The following SPIRE1 variants were observed in gnomAD, a reference collection of about 807,000 sequenced individuals.
The protein encoded by SPIRE1 is protein spire homolog 1.
SPIRE1 carries 40 observed loss-of-function variants against 94.1 expected under a neutral mutation model. That is an observed-to-expected ratio of 0.43 (90% confidence interval 0.33 to 0.55). SPIRE1 has a LOEUF of 0.55. Among genes scored for constraint, SPIRE1 ranks in the 20% least tolerant of loss-of-function variants. SPIRE1 has a pLI of 0.06. For synonymous variants in SPIRE1, 376 were observed against 371.7 expected, an observed-to-expected ratio of 1.01 and a Z score of -0.13; for missense variants, 838 against 975.2, an observed-to-expected ratio of 0.86 and a Z score of 1.87.
chr18:12,644,430 A>G (rs965162487), intron 1 of SPIRE1, among the ~76,000 whole-genome samples: 3 of 152,290 alleles, frequency 2.0e-5, no homozygotes, highest in Admixed American at 1.3e-4. Flanking sequence ...AAGCCCTCCT[A>G]TACTCCCCAA....
intron 10 of SPIRE1, among the ~76,000 whole-genome samples, chr18:12,471,389 T>C (rs950641812): frequency 2.0e-5 from 3 of 151,494 alleles, no homozygotes; most frequent in East Asian, 1.9e-4. Flanking sequence ...TCTTTCTTTT[T>C]TTTTTTTTTT....
At chr18:12,457,129 C>A (rs2031542698) in intron 12 of SPIRE1, among the ~76,000 whole-genome samples, 1 of 152,078 alleles carries the variant, frequency 6.6e-6, no homozygotes, top group Non-Finnish European at 1.5e-5. Context: ...CCGCGCCTGG[C>A]CATCATGAGA....
chr18:12,661,630 C>T (rs965237174), upstream of SPIRE1, among the ~76,000 whole-genome samples: 1 of 151,960 alleles, frequency 6.6e-6, no homozygotes. Context: ...AGAAAATTAG[C>T]CAGGCATGGT....
intron 4 of SPIRE1, among the ~76,000 whole-genome samples, chr18:12,519,525 C>T (rs114372362): frequency 2.6e-5 from 4 of 152,196 alleles, no homozygotes; most frequent in African/African-American, 9.6e-5. Flanking sequence ...GCTCTTCACA[C>T]CTATAGAAAT....
intron 2 of SPIRE1, among the ~76,000 whole-genome samples, chr18:12,589,439 G>C (rs1200553462): frequency 3.9e-5 from 6 of 152,174 alleles, no homozygotes. Context: ...AGGGTGTCCG[G>C]TGGAGAAAGC....
intron 10 of SPIRE1, among the ~76,000 whole-genome samples, chr18:12,471,472 C>T (rs748668738): frequency 2.0e-5 from 3 of 151,584 alleles, no homozygotes; most frequent in Non-Finnish European, 4.4e-5. Context: ...TACAACCATG[C>T]ACCACCATGC....
chr18:12,452,574 G>A, intron 14 of SPIRE1, 62 bp from the exon 15 acceptor site: 1 of 1,526,922 alleles, frequency 6.5e-7, no homozygotes, highest in Non-Finnish European at 9.1e-7. Context: ...GGGAGTTAGA[G>A]AAGCCTATGG....
rs764669806 is a variant in SPIRE1 at position 12,464,939 on chromosome 18, G to A, written c.1424C>T (p.Ser475Leu). ...GGGAGACACGCTGCTGCTGCTGGTC[G>A]ACTTGTGCAGCGTTTCTTCCTGAGC... is the stretch of plus-strand genomic sequence containing the variant. ...SESEEETLHK[S>L]TSSSSVSPSF... Residue 475 changes from serine to leucine, a missense_variant, in exon 11 of 17, where the codon TCG (serine) becomes TTG (leucine). Around this residue, in one of 2 missense-constraint regions of SPIRE1, gnomAD observed 645 missense variants for 804.7 expected, o/e 0.80. Transcript: ENST00000409402. 4.3e-6 allele frequency: 7 copies of A among 1,613,866 alleles called. No homozygotes were observed. The highest frequency in any genetic ancestry group is 1.3e-5 in the African/African-American group (1 of 74,880).
chr18:12,525,276 C>CAAAAAAAAAAAAA (rs1170791088), intron 4 of SPIRE1, among the ~76,000 whole-genome samples: 4 of 71,502 alleles, frequency 5.6e-5, no homozygotes, highest in Non-Finnish European at 8.0e-5. Context: ...GACTCCGTCT[C>CAAAAAAAAAAAAA]AAAAAAAAAA....
rs555388465 is a variant in SPIRE1, at chr18:12,495,616, T to C, written c.1059+400A>G. ...AGAATATAATTTACAAGGCCAGCTG[T>C]AGTGGCTCATGTCTGTAATCCCAAC... On this transcript the variant is annotated intron_variant, in intron 7 of 16. Coordinates refer to ENST00000409402, the MANE Select transcript of SPIRE1 (RefSeq NM_001128626.2). Among the ~76,000 whole-genome samples the C allele has an allele frequency of 8.8e-4, 134 of 152,280 alleles. 1 individual carries two copies. The highest frequency in any genetic ancestry group is 1.6e-3 in the Non-Finnish European group (109 of 68,018).
intron 7 of SPIRE1, among the ~76,000 whole-genome samples, chr18:12,495,520 C>G (rs1161601686): frequency 6.6e-6 from 1 of 152,088 alleles, no homozygotes; most frequent in Non-Finnish European, 1.5e-5. Context: ...CACCATGACC[C>G]AGGTTGTTTT....
chr18:12,567,283 A>T (rs2035844154), intron 2 of SPIRE1, among the ~76,000 whole-genome samples: 1 of 152,214 alleles, frequency 6.6e-6, no homozygotes, highest in Admixed American at 6.5e-5. Flanking sequence ...CAAGATCTGT[A>T]TAAGGAAAAA....
At chr18:12,453,264 C>G (rs2031335443) in intron 13 of SPIRE1, 126 bp from the exon 14 acceptor site, 1 of 572,006 alleles carries the variant, frequency 1.7e-6, no homozygotes, top group African/African-American at 1.9e-5. Context: ...GAAGACAATT[C>G]AGAAATCCTG....
chr18:12,531,279 A>ACAC (rs1461312482), intron 4 of SPIRE1, among the ~76,000 whole-genome samples: 5 of 152,030 alleles, frequency 3.3e-5, no homozygotes, highest in Non-Finnish European at 7.4e-5. Flanking sequence ...TCATCCCCTA[A>ACAC]CACCAGCATG....
chr18:12,657,023 A>G (rs981978887), intron 1 of SPIRE1, among the ~76,000 whole-genome samples: 1 of 152,254 alleles, frequency 6.6e-6, no homozygotes, highest in Non-Finnish European at 1.5e-5. Context: ...AAGGCTGTCT[A>G]ATGTGGAATA....
At chr18:12,627,949 A>C (rs993978547) in intron 2 of SPIRE1, among the ~76,000 whole-genome samples, 3 of 152,092 alleles carry the variant, frequency 2.0e-5, no homozygotes, top group Non-Finnish European at 4.4e-5. Flanking sequence ...GATTCTGGAT[A>C]TTAGCCCTTT....
chr18:12,473,112 G>A (rs1226154520), intron 10 of SPIRE1, among the ~76,000 whole-genome samples: 2 of 152,064 alleles, frequency 1.3e-5, no homozygotes, highest in Admixed American at 6.6e-5. Flanking sequence ...TGTAGAGATG[G>A]GGGTCTTGCT....
intron 10 of SPIRE1, among the ~76,000 whole-genome samples, chr18:12,474,757 T>A (rs868725000): frequency 6.6e-6 from 1 of 152,020 alleles, no homozygotes; most frequent in Non-Finnish European, 1.5e-5. Context: ...AGTCGGAGGA[T>A]GCAGTGAGCT....
chr18:12,575,352 T>C (rs1340209530), intron 2 of SPIRE1, among the ~76,000 whole-genome samples: 2 of 152,112 alleles, frequency 1.3e-5, no homozygotes, highest in Admixed American at 1.3e-4. Context: ...AAGAAAAATC[T>C]TCCCCTGAAT....
Sources: allele counts gnomAD v4.1 joint callset (sites outside exome capture counted in the v4.1 genomes callset), GRCh38; gene constraint gnomAD v4.1.1; regional missense constraint gnomAD v4.1.1; transcripts MANE v1.5; gene names NCBI Gene and HGNC (gene_info 2026-07-23, HGNC 2026-07-21).